The following DIS3L2 variants were observed in gnomAD, a reference collection of about 807,000 sequenced individuals.
The protein encoded by DIS3L2 is DIS3 like 3'-5' exoribonuclease 2.
Under a neutral mutation model 97.5 loss-of-function variants are expected in DIS3L2, and 34 were observed. The ratio of observed to expected loss-of-function variants is 0.35; its 90% CI spans 0.27 to 0.46. DIS3L2 has a LOEUF of 0.46. DIS3L2 is among the 20% of genes least tolerant of loss of function. The probability of loss-of-function intolerance (pLI) is 1.00; values close to 1 mark genes in which losing one functional copy is unlikely to be tolerated. For synonymous variants in DIS3L2, 435 were observed against 445.2 expected, an observed-to-expected ratio of 0.98 and a Z score of 0.29; for missense variants, 1,038 against 1,146.0, an observed-to-expected ratio of 0.91 and a Z score of 1.36.
chr2:232,102,490 G>A (rs946368909), intron 6 of DIS3L2, among the ~76,000 whole-genome samples: 9 of 152,172 alleles, frequency 5.9e-5, no homozygotes, highest in African/African-American at 2.2e-4. Flanking sequence ...AGGAGATACT[G>A]GCTAACATGG....
chr2:232,255,121 G>A (rs1435550482), intron 12 of DIS3L2, among the ~76,000 whole-genome samples: 1 of 152,228 alleles, frequency 6.6e-6, no homozygotes, highest in Non-Finnish European at 1.5e-5. Flanking sequence ...TTTAGCAAGG[G>A]CTGGGGGAAC....
intron 10 of DIS3L2, among the ~76,000 whole-genome samples, chr2:232,216,454 G>A (rs1574951151): frequency 6.6e-6 from 1 of 152,100 alleles, no homozygotes; most frequent in African/African-American, 2.4e-5. Flanking sequence ...TGTCCCCTGT[G>A]CCTGGTTTCC....
chr2:231,962,190 A>T (rs1027887494), intron 1 of DIS3L2, among the ~76,000 whole-genome samples: 7 of 152,056 alleles, frequency 4.6e-5, no homozygotes, highest in Non-Finnish European at 8.8e-5. Flanking sequence ...GGAATCTTGA[A>T]GGGCAGCCGC....
At chr2:232,240,522 C>T (rs1693051416) in intron 11 of DIS3L2, among the ~76,000 whole-genome samples, 1 of 152,172 alleles carries the variant, frequency 6.6e-6, no homozygotes, top group Non-Finnish European at 1.5e-5. Context: ...CTTCAGTGAC[C>T]AATTAGTGAG....
chr2:232,332,371 C>T (rs1377017430), intron 16 of DIS3L2, among the ~76,000 whole-genome samples: 3 of 152,164 alleles, frequency 2.0e-5, no homozygotes, highest in Non-Finnish European at 4.4e-5. Context: ...CCCGTGTGCA[C>T]AGAGTAACGG....
chr2:232,255,265 G>A (rs139099392), intron 12 of DIS3L2, among the ~76,000 whole-genome samples: 1 of 152,216 alleles, frequency 6.6e-6, no homozygotes, highest in African/African-American at 2.4e-5. Flanking sequence ...GGCTGGTTTT[G>A]CATGCAGTGG....
chr2:232,181,673 C>G (rs187498459), intron 9 of DIS3L2, among the ~76,000 whole-genome samples: 178 of 152,126 alleles, frequency 1.2e-3, no homozygotes, highest in Non-Finnish European at 2.1e-3. Context: ...ATGTCTCACT[C>G]TGTCACTCAT....
intron 8 of DIS3L2, among the ~76,000 whole-genome samples, chr2:232,159,401 TTCTG>T (rs1162080192): frequency 6.6e-6 from 1 of 152,234 alleles, no homozygotes; most frequent in Non-Finnish European, 1.5e-5. Flanking sequence ...GTCTTTGTGT[TTCTG>T]TCTACACATT....
At chr2:232,111,082 C>T in intron 6 of DIS3L2, 1 of 382,728 alleles carries the variant, frequency 2.6e-6, no homozygotes. Flanking sequence ...GTAGTTGTTA[C>T]TAAAAATACT....
At chr2:232,086,896 G>T (rs865817422) in intron 5 of DIS3L2, among the ~76,000 whole-genome samples, 2 of 151,664 alleles carry the variant, frequency 1.3e-5, no homozygotes, top group Middle Eastern at 6.8e-3. Flanking sequence ...TAGCCAGGAT[G>T]GTCTCAATCT....
chr2:232,264,655 A>T (rs1274137318), intron 13 of DIS3L2, among the ~76,000 whole-genome samples: 1 of 152,260 alleles, frequency 6.6e-6, no homozygotes, highest in African/African-American at 2.4e-5. Context: ...AGACCGCCTC[A>T]TGCAGACTTC....
At chr2:232,035,414 C>T (rs1192167824) in intron 5 of DIS3L2, among the ~76,000 whole-genome samples, 3 of 152,172 alleles carry the variant, frequency 2.0e-5, no homozygotes, top group African/African-American at 4.8e-5. Context: ...GATGGCTCTC[C>T]TAAATACAGT....
At chr2:232,077,612 T>A (rs548080120) in intron 5 of DIS3L2, among the ~76,000 whole-genome samples, 1 of 152,244 alleles carries the variant, frequency 6.6e-6, no homozygotes, top group Non-Finnish European at 1.5e-5. Flanking sequence ...AAGTTCTTTA[T>A]GATCCAGTGA....
At chr2:232,200,825 C>T (rs1037062422) in intron 9 of DIS3L2, among the ~76,000 whole-genome samples, 9 of 139,220 alleles carry the variant, frequency 6.5e-5, no homozygotes, top group African/African-American at 1.8e-4. Context: ...TGTCTGTTGA[C>T]CAGGCTGGAG....
chr2:232,013,471 AT>A (rs776249800), intron 1 of DIS3L2, among the ~76,000 whole-genome samples: 39 of 152,084 alleles, frequency 2.6e-4, no homozygotes, highest in Non-Finnish European at 5.4e-4. Context: ...ACTCGCCTGT[AT>A]TTTCTGTTTG....
intron 5 of DIS3L2, among the ~76,000 whole-genome samples, chr2:232,052,683 C>T (rs901968714): frequency 4.6e-5 from 7 of 152,194 alleles, no homozygotes; most frequent in Non-Finnish European, 7.4e-5. Flanking sequence ...CTGCATGTGT[C>T]TCTTCCTCTT....
chr2:232,311,020 A>G (rs953795600), intron 14 of DIS3L2, among the ~76,000 whole-genome samples: 1 of 152,244 alleles, frequency 6.6e-6, no homozygotes. Context: ...GTCTGAAGTC[A>G]TATTTTATAG....
At chr2:232,188,542 C>T (rs573308862) in intron 9 of DIS3L2, among the ~76,000 whole-genome samples, 10 of 152,234 alleles carry the variant, frequency 6.6e-5, no homozygotes, top group African/African-American at 2.2e-4. Flanking sequence ...AAATGAACTT[C>T]GATCTAAACC....
At chr2:232,000,305 T>C (rs896590505) in intron 1 of DIS3L2, among the ~76,000 whole-genome samples, 4 of 152,210 alleles carry the variant, frequency 2.6e-5, no homozygotes, top group African/African-American at 7.2e-5. Context: ...GAGAGATGAC[T>C]GTATACAATA....
Sources: allele counts gnomAD v4.1 joint callset (sites outside exome capture counted in the v4.1 genomes callset), GRCh38; gene constraint gnomAD v4.1.1; transcripts MANE v1.5; gene names NCBI Gene and HGNC (gene_info 2026-07-23, HGNC 2026-07-21).